Variants in CNTN4 observed in about 807,000 individuals in gnomAD.
CNTN4 encodes the protein contactin-4.
CNTN4 carries 77 observed loss-of-function variants against 122.5 expected under a neutral mutation model. That is an observed-to-expected ratio of 0.63 (90% CI 0.52 to 0.76). CNTN4 has a LOEUF of 0.76. CNTN4 is among the 30% of genes least tolerant of loss of function. CNTN4 has a pLI of 0.00. For missense variants in CNTN4, 1,256 were observed against 1,259.1 expected, an observed-to-expected ratio of 1.00 and a Z score of 0.04; for synonymous variants, 512 against 447.0, an observed-to-expected ratio of 1.15 and a Z score of -1.83.
intron 3 of CNTN4, among the ~76,000 whole-genome samples, chr3:2,377,617 C>T (rs1304539077): frequency 5.3e-5 from 8 of 152,186 alleles, no homozygotes; most frequent in African/African-American, 1.7e-4. Context: ...GAAGCTGAGA[C>T]AGTAAAACTG....
At chr3:2,117,624 A>G (rs531322037) in intron 2 of CNTN4, among the ~76,000 whole-genome samples, 2 of 152,308 alleles carry the variant, frequency 1.3e-5, no homozygotes, top group East Asian at 3.9e-4. Flanking sequence ...GCTGCCAGCC[A>G]TTCATCCGCT....
chr3:2,820,701 A>G (rs1361726941), intron 7 of CNTN4, among the ~76,000 whole-genome samples: 1 of 152,148 alleles, frequency 6.6e-6, no homozygotes, highest in Non-Finnish European at 1.5e-5. Context: ...TATGAATAAC[A>G]AAAGACATTC....
At chr3:2,893,905 T>A in intron 10 of CNTN4, among the ~76,000 whole-genome samples, 1 of 152,314 alleles carries the variant, frequency 6.6e-6, no homozygotes, top group East Asian at 1.9e-4. Context: ...TGAAAAATTA[T>A]TGGATACCTC....
intron 12 of CNTN4, among the ~76,000 whole-genome samples, chr3:2,913,133 C>G (rs1407999352): frequency 5.9e-5 from 9 of 152,240 alleles, no homozygotes; most frequent in African/African-American, 9.6e-5. Context: ...GCCTGGATGA[C>G]AGAGTGAGAC....
intron 3 of CNTN4, among the ~76,000 whole-genome samples, chr3:2,486,004 T>C (rs752986195): frequency 5.3e-5 from 8 of 152,080 alleles, no homozygotes; most frequent in Non-Finnish European, 1.2e-4. Context: ...TTGCAATAAA[T>C]CTTGCTGCTG....
intron 4 of CNTN4, among the ~76,000 whole-genome samples, chr3:2,657,828 C>G (rs2083665373): frequency 6.6e-6 from 1 of 151,532 alleles, no homozygotes; most frequent in African/African-American, 2.4e-5. Context: ...CAGTGACTTT[C>G]TTAATTTCAG....
rs367609141 is a variant in CNTN4 at position 2,675,574 on chromosome 3, C to T, written c.56-60641C>T. ...CACCTTCCCAAGAATGAAAGCTCCA[C>T]GAAGACCAGGAAAAGACTGATGGGC... On this transcript the variant is annotated intron_variant, in intron 4 of 24. Coordinates refer to ENST00000418658, the MANE Select transcript of CNTN4 (RefSeq NM_175607.3). Among the ~76,000 whole-genome samples, 21 of 152,222 alleles carry T rather than the reference C, an allele frequency of 1.4e-4. No homozygotes were observed. The East Asian group carries it at 3.7e-3, about 27-fold the overall frequency.
chr3:2,582,794 G>C (rs915455149), intron 4 of CNTN4, among the ~76,000 whole-genome samples: 1 of 151,636 alleles, frequency 6.6e-6, no homozygotes, highest in Non-Finnish European at 1.5e-5. Context: ...TTCATTTCCT[G>C]CCAAACCTCC....
intron 6 of CNTN4, among the ~76,000 whole-genome samples, chr3:2,810,224 A>G (rs1199221563): frequency 6.6e-6 from 1 of 152,218 alleles, no homozygotes; most frequent in African/African-American, 2.4e-5. Flanking sequence ...CACCTCAAAG[A>G]GTCGTGGTGA....
chr3:2,693,174 T>C (rs2085836824), intron 4 of CNTN4, among the ~76,000 whole-genome samples: 1 of 152,194 alleles, frequency 6.6e-6, no homozygotes, highest in African/African-American at 2.4e-5. Context: ...TGATATTTGG[T>C]TTACAGCTTT....
intron 3 of CNTN4, among the ~76,000 whole-genome samples, chr3:2,463,714 G>C (rs769129732): frequency 2.0e-5 from 3 of 151,982 alleles, no homozygotes; most frequent in Non-Finnish European, 4.4e-5. Flanking sequence ...AGCCAAGATC[G>C]TGCGAATTCA....
chr3:2,396,206 G>T (rs542936719), intron 3 of CNTN4, among the ~76,000 whole-genome samples: 2 of 151,850 alleles, frequency 1.3e-5, no homozygotes, highest in East Asian at 1.9e-4. Context: ...TTGTATTTTT[G>T]TAGAGATTAA....
intron 4 of CNTN4, among the ~76,000 whole-genome samples, chr3:2,734,668 G>C (rs576968488): frequency 9.2e-6 from 1 of 108,814 alleles, no homozygotes; most frequent in African/African-American, 3.2e-5. Flanking sequence ...TTTTTTGTCT[G>C]AGTTAAATGT....
chr3:2,763,370 T>C (rs1324399266), intron 6 of CNTN4, among the ~76,000 whole-genome samples: 3 of 152,250 alleles, frequency 2.0e-5, no homozygotes, highest in Non-Finnish European at 4.4e-5. Context: ...TCCTTATAGA[T>C]GCTAGATATT....
chr3:2,348,447 A>G (rs1379653255), intron 3 of CNTN4, among the ~76,000 whole-genome samples: 1 of 152,110 alleles, frequency 6.6e-6, no homozygotes, highest in East Asian at 1.9e-4. Flanking sequence ...TTAGACATCA[A>G]AACCCTGGCT....
chr3:2,190,645 A>G (rs556696109), intron 2 of CNTN4, among the ~76,000 whole-genome samples: 31 of 152,112 alleles, frequency 2.0e-4, no homozygotes, highest in African/African-American at 7.5e-4. Flanking sequence ...GCAGTAAAAG[A>G]TGAAGTTACA....
In CNTN4 at chr3:2,939,192, C is replaced by A. The variant is rs192499190; in HGVS notation, c.1358+13413C>A. ...TAATTAGATCTCTACTAGTAAATAT[C>A]CATCATGATGTTTCTAAATCCCTTT... is the stretch of plus-strand genomic sequence containing the variant. On this transcript the variant is annotated intron_variant, in intron 13 of 24. Transcript: ENST00000418658. Among the ~76,000 whole-genome samples the A allele has an allele frequency of 3.2e-3, 483 of 152,260 alleles. 3 individuals are homozygous for A. Among genetic ancestry groups the A allele is most frequent in the African/African-American group, 0.011 (464 of 41,548 alleles).
At chr3:2,120,374 A>ATATAAATAT (rs2033653105) in intron 2 of CNTN4, among the ~76,000 whole-genome samples, 1 of 59,100 alleles carries the variant, frequency 1.7e-5, no homozygotes, top group Non-Finnish European at 3.2e-5. Flanking sequence ...TATATATATA[A>ATATAAATAT]ATATATATAT....
chr3:2,453,667 A>G (rs924078576), intron 3 of CNTN4, among the ~76,000 whole-genome samples: 3 of 152,172 alleles, frequency 2.0e-5, no homozygotes, highest in Non-Finnish European at 4.4e-5. Context: ...TGAAATATCT[A>G]TGGGATATCA....
Sources: allele counts gnomAD v4.1 joint callset (sites outside exome capture counted in the v4.1 genomes callset), GRCh38; gene constraint gnomAD v4.1.1; transcripts MANE v1.5; gene names NCBI Gene and HGNC (gene_info 2026-07-23, HGNC 2026-07-21).